The following ABCC12 variants were observed in gnomAD, a reference collection of about 807,000 sequenced individuals.
ABCC12 encodes ATP-binding cassette sub-family C member 12.
A neutral mutation model predicts 151.1 loss-of-function variants in ABCC12; 142 were observed. That is an observed-to-expected ratio of 0.94 (90% CI 0.82 to 1.08). The LOEUF is 1.08. Among genes scored for constraint, ABCC12 ranks in the 50% least tolerant of loss-of-function variants. ABCC12 has a pLI of 0.00. For synonymous variants in ABCC12, 645 were observed against 646.4 expected, an observed-to-expected ratio of 1.00 and a Z score of 0.03; for missense variants, 1,638 against 1,691.1, an observed-to-expected ratio of 0.97 and a Z score of 0.55.
intron 12 of ABCC12, among the ~76,000 whole-genome samples, chr16:48,122,938 G>T (rs916681868): frequency 1.2e-4 from 18 of 152,210 alleles, no homozygotes; most frequent in Admixed American, 3.3e-4. Flanking sequence ...ATGAGGCTCA[G>T]AGAGGTTAAG....
chr16:48,113,410 C>G (rs1432218626), intron 15 of ABCC12, among the ~76,000 whole-genome samples: 1 of 152,222 alleles, frequency 6.6e-6, no homozygotes, highest in Non-Finnish European at 1.5e-5. Flanking sequence ...GAAGCCCCCT[C>G]TGGTCAGCAA....
chr16:48,153,948 C>T (rs182982944), intron 1 of ABCC12, 64 bp from the exon 2 acceptor site: 39 of 152,284 alleles, frequency 2.6e-4, no homozygotes, highest in Admixed American at 7.2e-4. Context: ...GTCTCTATCC[C>T]CGTCTGTCAC....
chr16:48,122,034 C>A (rs1041647360), intron 12 of ABCC12, among the ~76,000 whole-genome samples, 194 bp from the exon 13 acceptor site: 1 of 152,250 alleles, frequency 6.6e-6, no homozygotes, highest in Non-Finnish European at 1.5e-5. Flanking sequence ...AACACCTGCA[C>A]AGGGCCAGGC....
chr16:48,141,364 A>C lies in ABCC12; in HGVS notation c.276-11T>G. The C allele has an allele frequency of 6.2e-7, 1 of 1,613,212 alleles. No homozygotes were observed. Among genetic ancestry groups the C allele is most frequent in the African/African-American group, 1.3e-5 (1 of 74,354 alleles). On this transcript the variant is annotated splice_polypyrimidine_tract_variant and intron_variant, in intron 4 of 30. Transcript: ENST00000311303. ...CAAAGGACTCGAAATCTGTGATGAA[A>C]AAACAGAAGCATAAAATGGATTGGC... is the stretch of plus-strand genomic sequence containing the variant.
intron 1 of ABCC12, among the ~76,000 whole-genome samples, chr16:48,154,700 GCT>G: frequency 6.6e-6 from 1 of 152,242 alleles, no homozygotes; most frequent in South Asian, 2.1e-4. Context: ...TGCCCACTTT[GCT>G]CTGTTATATT....
chr16:48,142,263 T>C (rs977872474), intron 4 of ABCC12, among the ~76,000 whole-genome samples: 2 of 152,264 alleles, frequency 1.3e-5, no homozygotes, highest in South Asian at 2.1e-4. Context: ...AGCCATCCCA[T>C]TGGATGCTGG....
chr16:48,112,057 T>C, intron 15 of ABCC12, 147 bp from the exon 16 acceptor site: 1 of 1,042,512 alleles, frequency 9.6e-7, no homozygotes, highest in Non-Finnish European at 1.4e-6. Flanking sequence ...GTAGGATATT[T>C]ACCACCCTCC....
At chr16:48,129,348 C>T (rs182678710) in intron 10 of ABCC12, among the ~76,000 whole-genome samples, 1 of 152,280 alleles carries the variant, frequency 6.6e-6, no homozygotes, top group Admixed American at 6.5e-5. Flanking sequence ...GAGGTCCATG[C>T]ACTTGGTGCT....
In ABCC12 at chr16:48,104,299, C is replaced by G; in HGVS notation, c.2743G>C (p.Asp915His). ...AGCCTCACATCCAGCTCGTCCATAT[C>G]CTTGGAAAAACGGTTCATTAGCCTG... is the stretch of plus-strand genomic sequence containing the variant. ...TGRLMNRFSKDMDELDVRLPF... is the reference protein window; with the variant it reads ...TGRLMNRFSKHMDELDVRLPF... The change falls in exon 22 of 31, where the codon GAT (aspartate) becomes CAT (histidine). Residue 915 changes from aspartate (D) to histidine (H), a missense_variant. Physicochemically the swap from Asp to His is moderately conservative, Grantham distance 81 (BLOSUM62 -1). Coordinates refer to ENST00000311303, the MANE Select transcript of ABCC12 (RefSeq NM_001393797.1). 1 of 1,614,246 alleles carries G rather than the reference C, an allele frequency of 6.2e-7. No homozygotes were observed. The highest frequency in any genetic ancestry group is 1.3e-5 in the African/African-American group (1 of 75,072).
chr16:48,105,104 A>G (rs1963442054), intron 21 of ABCC12, 35 bp downstream of exon 21: 1 of 1,612,428 alleles, frequency 6.2e-7, no homozygotes, highest in South Asian at 1.1e-5. Context: ...TGTTGACTGA[A>G]TAACTGGGTA....
At chr16:48,094,978 G>A (rs574273919) in intron 24 of ABCC12, among the ~76,000 whole-genome samples, 22 of 152,252 alleles carry the variant, frequency 1.4e-4, no homozygotes, top group African/African-American at 4.3e-4. Context: ...GAGCAAGAAC[G>A]AGAGAAACAA....
intron 13 of ABCC12, among the ~76,000 whole-genome samples, chr16:48,119,798 G>A: frequency 6.6e-6 from 1 of 152,210 alleles, no homozygotes; most frequent in Non-Finnish European, 1.5e-5. Context: ...GTTTCTGAGT[G>A]ACCCAGCTGT....
chr16:48,143,525 G>A (rs1287373236), intron 4 of ABCC12, among the ~76,000 whole-genome samples: 1 of 152,202 alleles, frequency 6.6e-6, no homozygotes, highest in African/African-American at 2.4e-5. Context: ...CTCCTGAGGT[G>A]ACTGATACAG....
chr16:48,123,620 C>T (rs1964143214), intron 12 of ABCC12, among the ~76,000 whole-genome samples: 1 of 152,154 alleles, frequency 6.6e-6, no homozygotes, highest in Non-Finnish European at 1.5e-5. Flanking sequence ...CACAAAGCTT[C>T]TCATTCATGT....
In ABCC12 at chr16:48,111,666, G is replaced by T. The variant is rs1305180083; in HGVS notation, c.2125-4C>A. On this transcript the variant is annotated splice_region_variant and splice_polypyrimidine_tract_variant and intron_variant, in intron 16 of 30. Coordinates refer to ENST00000311303, the MANE Select transcript of ABCC12 (RefSeq NM_001393797.1). ...CATTGTAAAGGTGTTCAGGATCCTG[G>T]AGACAAAATGAAATTCCTTCTGAAT... The T allele has an allele frequency of 1.2e-6, 2 of 1,613,990 alleles. No individual in the cohort carries two copies. The highest frequency in any genetic ancestry group is 1.7e-6 in the Non-Finnish European group (2 of 1,180,042).
rs117729939 is a variant in ABCC12 at position 48,104,595 on chromosome 16, C to T, written c.2674-227G>A. 4.4e-3 allele frequency among the ~76,000 whole-genome samples: 671 copies of T among 152,270 alleles called. 19 individuals carry two copies. In the East Asian group the frequency reaches 0.059, roughly 13 times the overall value. On this transcript the variant is annotated intron_variant, in intron 21 of 30. Coordinates refer to ENST00000311303, the MANE Select transcript of ABCC12 (RefSeq NM_001393797.1). ...TCTGTGTGGAAGTCCCGAGAGACCC[C>T]CTATAGGTCAGGCTTCCCCTTCAAA...
In ABCC12 at chr16:48,115,538, C is replaced by T. The variant is rs1963850217; in HGVS notation, c.1866G>A (p.Gln622=). 6.2e-7 allele frequency: 1 copy of T among 1,614,202 alleles called. No individual in the cohort carries two copies. Among genetic ancestry groups the T allele is most frequent in the Non-Finnish European group, 8.5e-7 (1 of 1,180,032 alleles). ...SLARAVYSDR[Q]LYLLDDPLSA... ...ACAGGGGGTCGTCCAGCAGGTAGAG[C>T]TGACGGTCGGAGTAGACAGCGCGGG... Residue 622 remains glutamine, a synonymous_variant, in exon 15 of 31, where the codon CAG becomes CAA. Coordinates refer to ENST00000311303, the MANE Select transcript of ABCC12 (RefSeq NM_001393797.1).
chr16:48,108,312 G>C, intron 19 of ABCC12, 128 bp downstream of exon 19: 1 of 793,500 alleles, frequency 1.3e-6, no homozygotes, highest in Non-Finnish European at 2.0e-6. Context: ...AAAAATAAAA[G>C]CATTGATAAA....
At chr16:48,115,241 G>A (rs1031557716) in intron 15 of ABCC12, among the ~76,000 whole-genome samples, 174 bp downstream of exon 15, 1 of 152,120 alleles carries the variant, frequency 6.6e-6, no homozygotes, top group African/African-American at 2.4e-5. Context: ...GAAGAGGTGG[G>A]CCTCCTGGGA....
Sources: gnomAD v4.1 joint callset for allele counts (sites outside exome capture counted in the v4.1 genomes callset) on GRCh38, gnomAD v4.1.1 for gene constraint, MANE v1.5 for transcripts, NCBI Gene and HGNC (gene_info 2026-07-23, HGNC 2026-07-21) for gene names.